The following ERC2 variants were observed in gnomAD, a reference collection of about 807,000 sequenced individuals.
ERC2 encodes ELKS/RAB6-interacting/CAST family member 2, also known as ERC protein 2.
Under a neutral mutation model 114.8 loss-of-function variants are expected in ERC2, and 42 were observed. That is an observed-to-expected ratio of 0.37 (90% CI 0.29 to 0.47). The LOEUF (loss-of-function observed/expected upper bound fraction) is 0.47. Ranked by LOEUF, ERC2 falls within the 20% of genes least tolerant of loss-of-function variation. ERC2 has a pLI of 0.99. For missense variants in ERC2, 939 were observed against 1,150.7 expected, an observed-to-expected ratio of 0.82 and a Z score of 2.66; for synonymous variants, 454 against 425.5, an observed-to-expected ratio of 1.07 and a Z score of -0.82.
rs529856544 is a variant in ERC2 at position 56,317,541 on chromosome 3, A to C, written c.658-21106T>G. Reference sequence around the variant, plus strand: ...GTCTGTGAGTTTTATGAAAATTTGAAAGTTCTTTAATTTTAATGATAATCT... The same window carrying C: ...GTCTGTGAGTTTTATGAAAATTTGACAGTTCTTTAATTTTAATGATAATCT... On this transcript the variant is annotated intron_variant, in intron 2 of 17. Transcript: ENST00000288221. Among the ~76,000 whole-genome samples, 28 of 152,262 alleles carry C rather than the reference A, an allele frequency of 1.8e-4. No homozygotes were observed. The South Asian group carries it at 2.5e-3, about 14-fold the overall frequency.
intron 14 of ERC2, among the ~76,000 whole-genome samples, chr3:55,772,629 G>A (rs1441318265): frequency 6.6e-6 from 1 of 152,126 alleles, no homozygotes; most frequent in Non-Finnish European, 1.5e-5. Flanking sequence ...TTTATTTTAT[G>A]TTAATTTTTG....
chr3:56,399,388 A>G (rs531350495), intron 2 of ERC2, among the ~76,000 whole-genome samples: 190 of 152,336 alleles, frequency 1.2e-3, no homozygotes, highest in African/African-American at 4.3e-3. Context: ...TAAGCACTCA[A>G]AACACCTTTG....
chr3:55,853,770 T>C lies in ERC2; in HGVS notation c.2564+34619A>G, dbSNP rs1039375348. 2.0e-5 allele frequency among the ~76,000 whole-genome samples: 3 copies of C among 152,224 alleles called. No individual in the cohort carries two copies. In the East Asian group the frequency reaches 5.8e-4, roughly 29 times the overall value. ...CCAGGGGCCAGGGAGAGGAGGAACGTGCAGTTATTATAGAATGAGTGCAGA... is the reference window on the plus strand; with the variant it reads ...CCAGGGGCCAGGGAGAGGAGGAACGCGCAGTTATTATAGAATGAGTGCAGA... On this transcript the variant is annotated intron_variant, in intron 14 of 17. Coordinates refer to ENST00000288221, the MANE Select transcript of ERC2 (RefSeq NM_015576.3).
chr3:56,412,994 A>C (rs2061001141), intron 2 of ERC2, among the ~76,000 whole-genome samples: 1 of 152,226 alleles, frequency 6.6e-6, no homozygotes, highest in Admixed American at 6.5e-5. Context: ...GGACATCAAG[A>C]GGTAATATCT....
intron 17 of ERC2, among the ~76,000 whole-genome samples, chr3:55,671,796 A>G (rs1044803576): frequency 6.6e-6 from 1 of 152,136 alleles, no homozygotes; most frequent in Non-Finnish European, 1.5e-5. Flanking sequence ...CCTATAGTCC[A>G]AGAGAAGTCA....
chr3:56,416,708 A>G (rs903625402), intron 2 of ERC2, among the ~76,000 whole-genome samples: 1 of 151,744 alleles, frequency 6.6e-6, no homozygotes, highest in Non-Finnish European at 1.5e-5. Flanking sequence ...CTAAACTGAA[A>G]CTGTTTTACC....
At chr3:55,978,819 T>C (rs34309011) in intron 12 of ERC2, among the ~76,000 whole-genome samples, 44,353 of 152,146 alleles carry the variant, frequency 0.29, 7,670 homozygotes, top group East Asian at 0.37. Context: ...ATAGATAATG[T>C]CTTGAATAAC....
At chr3:56,162,969 T>A (rs1258508916) in intron 4 of ERC2, among the ~76,000 whole-genome samples, 1 of 152,122 alleles carries the variant, frequency 6.6e-6, no homozygotes, top group Non-Finnish European at 1.5e-5. Flanking sequence ...ATTGTTAATT[T>A]GAGATCCTTC....
chr3:56,285,190 C>T (rs1329673601), intron 3 of ERC2, among the ~76,000 whole-genome samples: 1 of 150,528 alleles, frequency 6.6e-6, no homozygotes, highest in East Asian at 2.0e-4. Context: ...TCTGGGCTGT[C>T]CTTCCTCAAT....
intron 2 of ERC2, among the ~76,000 whole-genome samples, chr3:56,343,622 T>C (rs2058191308): frequency 1.3e-5 from 2 of 152,092 alleles, no homozygotes; most frequent in African/African-American, 2.4e-5. Context: ...ATCTCTAAAA[T>C]AAATAATTAT....
At chr3:55,684,708 C>G (rs2062235284) in intron 16 of ERC2, among the ~76,000 whole-genome samples, 1 of 152,130 alleles carries the variant, frequency 6.6e-6, no homozygotes, top group African/African-American at 2.4e-5. Context: ...AGTGAAGTGG[C>G]TAATATAGAG....
chr3:55,577,054 C>T (rs138449766), intron 17 of ERC2, among the ~76,000 whole-genome samples: 57 of 152,306 alleles, frequency 3.7e-4, no homozygotes, highest in African/African-American at 1.3e-3. Flanking sequence ...TCAGCGCCAA[C>T]TTCCAGGCCC....
intron 2 of ERC2, among the ~76,000 whole-genome samples, chr3:56,393,382 G>C (rs1335313918): frequency 6.6e-6 from 1 of 152,206 alleles, no homozygotes; most frequent in Non-Finnish European, 1.5e-5. Context: ...GGGCAACAGA[G>C]AGAGACTCCT....
intron 14 of ERC2, among the ~76,000 whole-genome samples, chr3:55,744,658 G>A (rs1388958281): frequency 1.3e-5 from 2 of 152,338 alleles, no homozygotes; most frequent in Admixed American, 6.5e-5. Context: ...ATTTGAACCT[G>A]AGAAGATTCT....
intron 17 of ERC2, among the ~76,000 whole-genome samples, chr3:55,566,907 G>A (rs1195122427): frequency 1.3e-5 from 2 of 151,930 alleles, no homozygotes; most frequent in South Asian, 2.1e-4. Context: ...CACCATGCTG[G>A]CCAGGCTAGT....
rs975961988 is a variant in ERC2, at chr3:55,526,839, GCCAAAGCCT to G, written c.*40-15572_*40-15564del. Among the ~76,000 whole-genome samples, 21 of 152,320 alleles carry G rather than the reference GCCAAAGCCT, an allele frequency of 1.4e-4. 1 individual carries two copies. The highest frequency in any genetic ancestry group is 9.8e-4 in the Admixed American group (15 of 15,306). ...GGGTTGGACTTCCTCATGCAGCTCA[GCCAAAGCCT>G]CCTGGCCCTCCCTTGGTGCTGATCA... On this transcript the variant is annotated intron_variant, in intron 17 of 17. Coordinates refer to ENST00000288221, the MANE Select transcript of ERC2 (RefSeq NM_015576.3).
At position 55,792,476 on chromosome 3, in the gene ERC2, A is replaced by G. The variant is rs115040946; in HGVS notation, c.2565-57558T>C. On this transcript the variant is annotated intron_variant, in intron 14 of 17. Coordinates refer to ENST00000288221, the MANE Select transcript of ERC2 (RefSeq NM_015576.3). ...ATTTTTCTGCTAAAATTAAGAGAGC[A>G]GATCACTTCCCTTCTTACACCTAAT... 3.2e-3 allele frequency among the ~76,000 whole-genome samples: 488 copies of G among 152,336 alleles called. 2 individuals carry two copies. Among genetic ancestry groups the G allele is most frequent in the African/African-American group, 0.011 (466 of 41,580 alleles).
At chr3:55,782,704 A>G (rs907308670) in intron 14 of ERC2, among the ~76,000 whole-genome samples, 3 of 152,194 alleles carry the variant, frequency 2.0e-5, no homozygotes, top group African/African-American at 7.2e-5. Context: ...GGTGTTAAGC[A>G]AGGCCAACTG....
At chr3:55,779,635 C>A (rs1183778372) in intron 14 of ERC2, among the ~76,000 whole-genome samples, 1 of 152,066 alleles carries the variant, frequency 6.6e-6, no homozygotes, top group Non-Finnish European at 1.5e-5. Context: ...TAAGCTGCAA[C>A]ACTTGCAAAA....
Sources: gnomAD v4.1 joint callset for allele counts (sites outside exome capture counted in the v4.1 genomes callset) on GRCh38, gnomAD v4.1.1 for gene constraint, MANE v1.5 for transcripts, NCBI Gene and HGNC (gene_info 2026-07-23, HGNC 2026-07-21) for gene names.